The following GPR174 variants were observed in gnomAD, a reference collection of about 807,000 sequenced individuals.
GPR174 encodes probable G protein-coupled receptor 174.
In GPR174, 8 loss-of-function variants were observed where a neutral mutation model predicts 16.5. The ratio of observed to expected loss-of-function variants is 0.48; its 90% CI spans 0.28 to 0.87. The LOEUF is 0.87. GPR174 is among the 40% of genes least tolerant of loss of function. GPR174 has a pLI of 0.09. For missense variants in GPR174, 214 were observed against 247.5 expected, an observed-to-expected ratio of 0.86 and a Z score of 0.91; for synonymous variants, 111 against 94.8, an observed-to-expected ratio of 1.17 and a Z score of -0.99.
intron 1 of GPR174, among the ~76,000 whole-genome samples, chrX:79,154,491 G>A (rs1921050311): frequency 9.0e-6 from 1 of 111,706 alleles, no homozygotes; most frequent in Non-Finnish European, 1.9e-5. Context: ...AGTCTGCTTA[G>A]GACTATGGGT....
At chrX:79,149,820 AG>A (rs1400923073) in intron 1 of GPR174, among the ~76,000 whole-genome samples, 1 of 55,002 alleles carries the variant, frequency 1.8e-5, no homozygotes, top group Admixed American at 1.9e-4. Flanking sequence ...AACCTCCCTC[AG>A]TTTTTTTTTT....
rs1337902130 is a variant in GPR174 at position 79,170,564 on chromosome X, A to T, written c.-444A>T. The T allele has an allele frequency of 8.3e-6, 1 of 119,921 alleles. No individual in the cohort carries two copies. Among genetic ancestry groups the T allele is most frequent in the Non-Finnish European group, 1.7e-5 (1 of 58,237 alleles). The allele number at this position is 119,921 out of a possible 1,213,427, so 9.9% of individuals were successfully genotyped here. A position where few individuals can be genotyped will look rare whatever the true frequency, so the allele number is the denominator to read the frequency against. ...AGAGTGGCGGACTCATTGTGCACTA[A>T]AGCAATCCTTTCTTCTATGTGAGCC... On this transcript the variant is annotated 5_prime_UTR_variant, in exon 3 of 3. Transcript: ENST00000645147.
intron 2 of GPR174, among the ~76,000 whole-genome samples, chrX:79,164,225 C>T (rs770659822): frequency 9.0e-6 from 1 of 111,018 alleles, no homozygotes; most frequent in African/African-American, 3.3e-5. Context: ...ACCCCTATGC[C>T]TTCCTTTGGA....
chrX:79,154,656 C>T, intron 1 of GPR174, among the ~76,000 whole-genome samples: 1 of 110,772 alleles, frequency 9.0e-6, no homozygotes, highest in South Asian at 3.8e-4. Flanking sequence ...CTCAAACTTT[C>T]TACTAAACTT....
intron 1 of GPR174, among the ~76,000 whole-genome samples, chrX:79,155,434 T>A (rs150390707): frequency 0.015 from 1,658 of 111,517 alleles, 33 homozygotes; most frequent in African/African-American, 0.052. Flanking sequence ...GTGTGTTTAA[T>A]CCTGATCACT....
rs1273904285 is a variant in GPR174, at chrX:79,171,167, G to C, written c.160G>C (p.Ala54Pro). Residue 54 changes from alanine (A) to proline (P), a missense_variant, in exon 3 of 3, where the codon GCT becomes CCT. Coordinates refer to ENST00000645147, the MANE Select transcript of GPR174 (RefSeq NM_032553.3). ...TGGTTATATGAAAGAAACAAAACGAGCTGTGATATTTATGATAAACTTAGC... is the reference window on the plus strand; with the variant it reads ...TGGTTATATGAAAGAAACAAAACGACCTGTGATATTTATGATAAACTTAGC... ...FYGYMKETKR[A>P]VIFMINLAIA... 1 of 1,206,511 alleles carries C rather than the reference G, an allele frequency of 8.3e-7. No homozygotes were observed. Among genetic ancestry groups the C allele is most frequent in the South Asian group, 1.8e-5 (1 of 56,363 alleles).
At chrX:79,169,981 C>T (rs1487363892) in intron 2 of GPR174, among the ~76,000 whole-genome samples, 3 of 112,133 alleles carry the variant, frequency 2.7e-5, no homozygotes, top group African/African-American at 9.7e-5. Context: ...AAATTGCATA[C>T]TGTACCCCAT....
chrX:79,175,073 GT>G lies in GPR174; in HGVS notation c.*3066del, dbSNP rs1169033360. 1 of 111,253 alleles carries G rather than the reference GT, an allele frequency of 9.0e-6. No homozygotes were observed. Among genetic ancestry groups the G allele is most frequent in the African/African-American group, 3.3e-5 (1 of 30,592 alleles). 9.2% of individuals were successfully genotyped at this position (111,253 alleles called of 1,213,427 possible). ...GTTTATATGTTTTCATTGTCACTCA[GT>G]TAAGCAGCCAATTCTGTTAGCTGGT... On this transcript the variant is annotated 3_prime_UTR_variant, in exon 3 of 3. Coordinates refer to ENST00000645147, the MANE Select transcript of GPR174 (RefSeq NM_032553.3).
rs781026416 is a variant in GPR174, at chrX:79,171,783, A to G, written c.776A>G (p.Asn259Ser). 25 of 1,208,816 alleles carry G rather than the reference A, an allele frequency of 2.1e-5. No individual in the cohort carries two copies. The highest frequency in any genetic ancestry group is 2.3e-4 in the Middle Eastern group (1 of 4,363). The change falls in exon 3 of 3, where the codon AAT becomes AGT. Residue 259 changes from asparagine to serine, a missense_variant. Transcript: ENST00000645147. Reference sequence around the variant, plus strand: ...CCTTTAGATTTCCTGGTGAAGTCCAATGAAATTAAAAGCTGCCTAGCCAGA... The same window carrying G: ...CCTTTAGATTTCCTGGTGAAGTCCAGTGAAATTAAAAGCTGCCTAGCCAGA... The part of the protein sequence containing the change: ...SFPLDFLVKS[N>S]EIKSCLARRV...
Position 79,171,636 on chromosome X carries a change from T to C in GPR174, c.629T>C (p.Leu210Ser), listed in dbSNP as rs1167087523. 8.3e-6 allele frequency: 10 copies of C among 1,211,656 alleles called. No individual in the cohort carries two copies. The Middle Eastern group carries it at 1.1e-3, about 139-fold the overall frequency. ...CTATATTGTACCTGGAAGACGGTTT[T>C]ATCACTGCAAGATAAATATCCCATG... ...IVLYCTWKTV[L>S]SLQDKYPMAQ... Residue 210 changes from leucine (L) to serine (S), a missense_variant, in exon 3 of 3, where the codon TTA becomes TCA. Coordinates refer to ENST00000645147, the MANE Select transcript of GPR174 (RefSeq NM_032553.3).
chrX:79,148,528 T>A (rs980333566), intron 1 of GPR174, among the ~76,000 whole-genome samples: 2 of 111,631 alleles, frequency 1.8e-5, no homozygotes, highest in Non-Finnish European at 3.8e-5. Context: ...AATCAATGAC[T>A]CTTTTTTGAG....
chrX:79,162,744 T>A (rs1002805885), intron 2 of GPR174, among the ~76,000 whole-genome samples: 5 of 112,023 alleles, frequency 4.5e-5, no homozygotes, highest in African/African-American at 1.3e-4. Flanking sequence ...GAGATTAGAA[T>A]CTAGTGGTTG....
chrX:79,155,913 A>C (rs769006890), intron 1 of GPR174, among the ~76,000 whole-genome samples: 1 of 111,566 alleles, frequency 9.0e-6, no homozygotes, highest in African/African-American at 3.3e-5. Flanking sequence ...TCCTTTGCTA[A>C]CCCTTATGAT....
At chrX:79,163,193 G>A (rs892785913) in intron 2 of GPR174, among the ~76,000 whole-genome samples, 1 of 111,825 alleles carries the variant, frequency 8.9e-6, no homozygotes, top group African/African-American at 3.3e-5. Flanking sequence ...ATCTGATAAA[G>A]GCAACTGCAG....
At chrX:79,149,186 TACTC>T (rs1273588214) in intron 1 of GPR174, among the ~76,000 whole-genome samples, 2 of 112,297 alleles carry the variant, frequency 1.8e-5, no homozygotes, top group Non-Finnish European at 3.8e-5. Context: ...CTGAAGGACT[TACTC>T]ATTTAATTTT....
chrX:79,148,295 A>G (rs2147446772), intron 1 of GPR174, among the ~76,000 whole-genome samples: 1 of 110,913 alleles, frequency 9.0e-6, no homozygotes, highest in East Asian at 2.8e-4. Flanking sequence ...GTGCCCATCA[A>G]CTCCTTTCCT....
chrX:79,163,675 C>T (rs901084107), intron 2 of GPR174, among the ~76,000 whole-genome samples: 16 of 112,058 alleles, frequency 1.4e-4, no homozygotes, highest in African/African-American at 5.2e-4. Flanking sequence ...TAAGGAGTCA[C>T]CAAAAATGAG....
chrX:79,163,441 A>C (rs1373156939), intron 2 of GPR174, among the ~76,000 whole-genome samples: 2 of 112,016 alleles, frequency 1.8e-5, no homozygotes, highest in Non-Finnish European at 3.8e-5. Context: ...GAGTTAACCC[A>C]GAATGGAAGT....
intron 2 of GPR174, among the ~76,000 whole-genome samples, chrX:79,157,149 C>A (rs1921118330): frequency 9.0e-6 from 1 of 111,652 alleles, no homozygotes; most frequent in African/African-American, 3.3e-5. Flanking sequence ...ATGTGGCATT[C>A]TTTTCAATAG....
Sources: gnomAD v4.1 joint callset for allele counts (sites outside exome capture counted in the v4.1 genomes callset) on GRCh38, gnomAD v4.1.1 for gene constraint, MANE v1.5 for transcripts, NCBI Gene and HGNC (gene_info 2026-07-23, HGNC 2026-07-21) for gene names.